Variants in ST6GALNAC2 observed in about 807,000 individuals in gnomAD.
ST6GALNAC2 encodes the protein alpha-N-acetylgalactosaminide alpha-2,6-sialyltransferase 2.
ST6GALNAC2 carries 42 observed loss-of-function variants against 38.7 expected under a neutral mutation model. The ratio of observed to expected loss-of-function variants is 1.09; its 90% confidence interval spans 0.85 to 1.40. ST6GALNAC2 has a LOEUF of 1.40. ST6GALNAC2 is among the 40% of genes most tolerant of loss of function. ST6GALNAC2 has a pLI of 0.00. For missense variants in ST6GALNAC2, 506 were observed against 481.7 expected (o/e 1.05, Z -0.47); for synonymous variants, 233 against 209.0 (o/e 1.11, Z -0.99).
At chr17:76,583,816 T>TTA (rs2075509569) in intron 1 of ST6GALNAC2, among the ~76,000 whole-genome samples, 1 of 150,102 alleles carries the variant, frequency 6.7e-6, no homozygotes, top group Non-Finnish European at 1.5e-5. Context: ...ATATTTCTTT[T>TTA]TTTTTTTTTT....
At chr17:76,570,230 G>A (rs555054025) in intron 6 of ST6GALNAC2, 2 of 271,648 alleles carry the variant, frequency 7.4e-6, no homozygotes, top group African/African-American at 2.2e-5. Context: ...AGCCGCTGGC[G>A]GCTGGGCTGG....
At chr17:76,581,599 A>G (rs1487483001) in intron 1 of ST6GALNAC2, among the ~76,000 whole-genome samples, 2 of 152,048 alleles carry the variant, frequency 1.3e-5, no homozygotes, top group Non-Finnish European at 2.9e-5. Flanking sequence ...TGCTGCCCTG[A>G]ACTACCCACC....
intron 8 of ST6GALNAC2, 35 bp from the exon 9 acceptor site, chr17:76,566,306 GAGCGTCT>G (rs769140089): frequency 6.2e-7 from 1 of 1,609,524 alleles, no homozygotes; most frequent in South Asian, 1.1e-5. Context: ...AGTATTTGTT[GAGCGTCT>G]AGTGTGTACA....
intron 7 of ST6GALNAC2, chr17:76,567,961 G>A (rs2075305618): frequency 1.0e-5 from 2 of 193,536 alleles, no homozygotes; most frequent in South Asian, 1.8e-4. Context: ...AGGCCAGGGT[G>A]TGACCACGGG....
At chr17:76,580,757 A>G (rs1022998117) in intron 1 of ST6GALNAC2, among the ~76,000 whole-genome samples, 4 of 152,186 alleles carry the variant, frequency 2.6e-5, no homozygotes, top group Non-Finnish European at 2.9e-5. Context: ...CAAAAAGAAA[A>G]TAAAAGAAAA....
chr17:76,582,320 G>A (rs1232208956), intron 1 of ST6GALNAC2, among the ~76,000 whole-genome samples: 1 of 142,914 alleles, frequency 7.0e-6, no homozygotes, highest in Non-Finnish European at 1.5e-5. Flanking sequence ...TTACAGGCAT[G>A]TGTCACCATG....
chr17:76,584,193 C>CT lies in ST6GALNAC2; in HGVS notation c.125+1490dup, dbSNP rs55780682. ...TAATTAGCATATCCATCACCTCGAA[C>CT]TTTTTTTTTTTTTTCTGGAGACAGG... On this transcript the variant is annotated intron_variant, in intron 1 of 8. Coordinates refer to ENST00000225276, the MANE Select transcript of ST6GALNAC2 (RefSeq NM_006456.3). 9.2e-3 allele frequency among the ~76,000 whole-genome samples: 1,259 copies of CT among 137,174 alleles called. 40 individuals are homozygous for CT. Among genetic ancestry groups the CT allele is most frequent in the African/African-American group, 0.032 (1,159 of 36,280 alleles). 90.0% of individuals were successfully genotyped at this position (137,174 alleles called of 152,430 possible).
rs181285397 is a variant in ST6GALNAC2, at chr17:76,583,499, T to A, written c.125+2185A>T. ...TGTACTGCAAGCCTGGGTGACAGAG[T>A]GAGACTGTCCCCAAAAGATTATTTT... is the stretch of plus-strand genomic sequence containing the variant. On this transcript the variant is annotated intron_variant, in intron 1 of 8. Transcript: ENST00000225276. Among the ~76,000 whole-genome samples the A allele has an allele frequency of 4.0e-5, 6 of 151,028 alleles. No individual in the cohort carries two copies. The East Asian group carries it at 7.8e-4, about 20-fold the overall frequency.
intron 5 of ST6GALNAC2, 42 bp downstream of exon 5, chr17:76,572,595 T>TGCCATTGTCAACCACAATGGC: frequency 1.2e-6 from 2 of 1,610,992 alleles, no homozygotes; most frequent in South Asian, 1.1e-5. Flanking sequence ...GGAACAATGG[T>TGCCATTGTCAACCACAATGGC]GCCATTGTCA....
chr17:76,583,408 A>AGGCTGAG (rs1371475903), intron 1 of ST6GALNAC2, among the ~76,000 whole-genome samples: 2 of 145,518 alleles, frequency 1.4e-5, no homozygotes, highest in African/African-American at 5.1e-5. Flanking sequence ...ATTACTTGGG[A>AGGCTGAG]GGCTGAGGTG....
chr17:76,570,611 C>T lies in ST6GALNAC2; in HGVS notation c.727G>A (p.Ala243Thr). The change falls in exon 6 of 9, where the codon GCC becomes ACC. Residue 243 changes from alanine (A) to threonine (T), a missense_variant. Coordinates refer to ENST00000225276, the MANE Select transcript of ST6GALNAC2 (RefSeq NM_006456.3). ...TCAGGGACAGGCACGCCCAGAATGGCCGATCTCAGCATCACATAGTCGCGG... is the reference window on the plus strand; with the variant it reads ...TCAGGGACAGGCACGCCCAGAATGGTCGATCTCAGCATCACATAGTCGCGG... ...DIRDYVMLRS[A>T]ILGVPVPEGL... The T allele has an allele frequency of 6.2e-7, 1 of 1,613,286 alleles. No individual in the cohort carries two copies. The highest frequency in any genetic ancestry group is 8.5e-7 in the Non-Finnish European group (1 of 1,179,784).
intron 2 of ST6GALNAC2, 133 bp downstream of exon 2, chr17:76,578,623 C>T: frequency 1.3e-6 from 1 of 780,678 alleles, no homozygotes; most frequent in East Asian, 2.6e-5. Flanking sequence ...GACGGATGCT[C>T]AGCTGTAACT....
At chr17:76,582,815 T>C (rs1404575839) in intron 1 of ST6GALNAC2, among the ~76,000 whole-genome samples, 1 of 152,050 alleles carries the variant, frequency 6.6e-6, no homozygotes, top group Non-Finnish European at 1.5e-5. Flanking sequence ...CAGAATGCCG[T>C]CCACCTCCCA....
rs770568660 is a variant in ST6GALNAC2 at position 76,567,580 on chromosome 17, C to G, written c.858-28G>C. The stretch of plus-strand genomic sequence containing the variant: ...GGAAGCAAAAAGAGACATTTCAGCT[C>G]ACTAGCTTGATGGCTATCATCACAC... On this transcript the variant is annotated intron_variant, in intron 7 of 8. Transcript: ENST00000225276. 6 of 1,475,456 alleles carry G rather than the reference C, an allele frequency of 4.1e-6. No individual in the cohort carries two copies. In the East Asian group the frequency reaches 1.4e-4, roughly 33 times the overall value. 91.4% of individuals were successfully genotyped at this position (1,475,456 alleles called of 1,614,324 possible). A position where few individuals can be genotyped will look rare whatever the true frequency, so the allele number is the denominator to read the frequency against.
In ST6GALNAC2 at chr17:76,573,094, G is replaced by A. The variant is rs1335988177; in HGVS notation, c.530+101C>T. ...GTGTGCTGGTCACAACTGCTGAGCC[G>A]CCCAGGCCACTGCTGCCATAGCCCA... On this transcript the variant is annotated intron_variant, in intron 4 of 8. Coordinates refer to ENST00000225276, the MANE Select transcript of ST6GALNAC2 (RefSeq NM_006456.3). The surrounding 1 kb of genome is among the most constrained non-coding windows in gnomAD (Gnocchi z 5.1). 19 of 1,313,838 alleles carry A rather than the reference G, an allele frequency of 1.4e-5. No homozygotes were observed. Among genetic ancestry groups the A allele is most frequent in the South Asian group, 2.8e-5 (2 of 70,616 alleles). The allele number at this position is 1,313,838 out of a possible 1,614,324, so 81.4% of individuals were successfully genotyped here.
intron 1 of ST6GALNAC2, among the ~76,000 whole-genome samples, chr17:76,585,436 G>T (rs2075533931): frequency 6.6e-6 from 1 of 152,250 alleles, no homozygotes; most frequent in South Asian, 2.1e-4. Flanking sequence ...CGGGTCGCCA[G>T]TGCACAGGGG....
rs555579172 is a variant in ST6GALNAC2 at position 76,574,482 on chromosome 17, C to T, written c.244G>A (p.Gly82Ser). 5 of 1,613,524 alleles carry T rather than the reference C, an allele frequency of 3.1e-6. No homozygotes were observed. The highest frequency in any genetic ancestry group is 1.7e-5 in the Admixed American group (1 of 59,958). ...ACTGGAATGGAGAGATTGAACAGGC[C>T]ACGGAAGTGGGGGTGCCGCTGAATG... ...LAIQRHPHFR[G>S]LFNLSIPVLL... Residue 82 changes from glycine to serine, a missense_variant, in exon 3 of 9, where the codon GGC becomes AGC. Coordinates refer to ENST00000225276, the MANE Select transcript of ST6GALNAC2 (RefSeq NM_006456.3).
In ST6GALNAC2 at chr17:76,573,176, CAG is replaced by C; in HGVS notation, c.530+17_530+18del. ...GGCAACTCTCCCTCCCGCCCCTCCC[CAG>C]CTCCTACCCCTCATACCTGAATACA... On this transcript the variant is annotated intron_variant, in intron 4 of 8. Coordinates refer to ENST00000225276, the MANE Select transcript of ST6GALNAC2 (RefSeq NM_006456.3). This position sits in a 1 kb window ranked among gnomAD's most constrained non-coding sequence, Gnocchi z 5.1. The C allele has an allele frequency of 6.2e-7, 1 of 1,600,742 alleles. No homozygotes were observed. The highest frequency in any genetic ancestry group is 8.5e-7 in the Non-Finnish European group (1 of 1,172,862).
Position 76,566,015 on chromosome 17 carries a change from T to C in ST6GALNAC2, c.*89A>G. ...AGTGCCCTCTGTTGGCAAGGGAAGG[T>C]GAAGATTGAAAAGTTAAAAAAGCTT... On this transcript the variant is annotated 3_prime_UTR_variant, in exon 9 of 9. Transcript: ENST00000225276. The C allele has an allele frequency of 2.2e-6, 3 of 1,391,382 alleles. No individual in the cohort carries two copies. The highest frequency in any genetic ancestry group is 1.4e-5 in the South Asian group (1 of 71,640). 86.2% of individuals were successfully genotyped at this position (1,391,382 alleles called of 1,614,324 possible).
Sources: allele counts gnomAD v4.1 joint callset (sites outside exome capture counted in the v4.1 genomes callset), GRCh38; gene constraint gnomAD v4.1.1; non-coding constraint Gnocchi (gnomAD v3.1); transcripts MANE v1.5; gene names NCBI Gene and HGNC (gene_info 2026-07-23, HGNC 2026-07-21).